The following RAD18 variants were observed in gnomAD, a reference collection of about 807,000 sequenced individuals.
RAD18 encodes the protein E3 ubiquitin-protein ligase RAD18.
Under a neutral mutation model 60.4 loss-of-function variants are expected in RAD18, and 47 were observed. The observed-to-expected ratio is 0.78, with a 90% CI of 0.62 to 0.99. The LOEUF is 0.99. Ranked by LOEUF, RAD18 falls within the 50% of genes least tolerant of loss-of-function variation. The pLI, the probability that RAD18 is intolerant of heterozygous loss-of-function variation, is 0.00. For synonymous variants in RAD18, 225 were observed against 195.5 expected, an observed-to-expected ratio of 1.15 and a Z score of -1.26; for missense variants, 640 against 593.3, an observed-to-expected ratio of 1.08 and a Z score of -0.82.
intron 3 of RAD18, 39 bp from the exon 4 acceptor site, chr3:8,947,329 CAAT>C: frequency 6.9e-7 from 1 of 1,457,394 alleles, no homozygotes; most frequent in Non-Finnish European, 9.6e-7. Flanking sequence ...AGGTCAAAAA[CAAT>C]AATCAACTTG....
intron 2 of RAD18, among the ~76,000 whole-genome samples, chr3:8,953,992 G>T (rs1295439476): frequency 6.6e-6 from 1 of 152,180 alleles, no homozygotes; most frequent in Non-Finnish European, 1.5e-5. Context: ...AATAATAAAC[G>T]TGTTTATCTT....
Position 8,890,397 on chromosome 3 carries a change from T to C in RAD18, c.1377A>G (p.Ala459=), listed in dbSNP as rs1575532387. The change falls in exon 12 of 13, where the codon GCA becomes GCG. Residue 459 remains alanine (A), a synonymous_variant. Transcript: ENST00000264926. ...TGATTATGAGAACTCACTTATGTGATGCTTCCCAGGCTTCCTCTTCTTCTA... is the reference window on the plus strand; with the variant it reads ...TGATTATGAGAACTCACTTATGTGACGCTTCCCAGGCTTCCTCTTCTTCTA... ...DLLEEEEAWE[A]SHKNDLQDTE... 5 of 1,588,100 alleles carry C rather than the reference T, an allele frequency of 3.1e-6. No individual in the cohort carries two copies. The highest frequency in any genetic ancestry group is 2.7e-5 in the African/African-American group (2 of 74,382).
chr3:8,921,603 G>A (rs1940321463), intron 7 of RAD18, among the ~76,000 whole-genome samples: 1 of 151,938 alleles, frequency 6.6e-6, no homozygotes, highest in African/African-American at 2.4e-5. Flanking sequence ...TTGCGCCACT[G>A]CACTCCAACC....
chr3:8,897,778 A>G (rs1405063061), intron 11 of RAD18, among the ~76,000 whole-genome samples: 1 of 152,170 alleles, frequency 6.6e-6, no homozygotes, highest in African/African-American at 2.4e-5. Flanking sequence ...AATAATAAAG[A>G]TAAGTGGCCA....
intron 5 of RAD18, 42 bp downstream of exon 5, chr3:8,941,425 G>A (rs1940744096): frequency 6.8e-7 from 1 of 1,461,216 alleles, no homozygotes; most frequent in Admixed American, 2.1e-5. Context: ...TCATGTGGAT[G>A]AAAAGATGTC....
intron 9 of RAD18, among the ~76,000 whole-genome samples, chr3:8,903,603 T>C (rs144363064): frequency 1.8e-4 from 27 of 152,308 alleles, no homozygotes; most frequent in African/African-American, 4.8e-4. Flanking sequence ...TCATCATTAT[T>C]AATGTACCAA....
intron 9 of RAD18, among the ~76,000 whole-genome samples, chr3:8,904,741 G>A (rs914524631): frequency 6.6e-6 from 1 of 152,152 alleles, no homozygotes; most frequent in Non-Finnish European, 1.5e-5. Context: ...TTAGGCGAGG[G>A]TGACACAGTA....
chr3:8,940,262 CAGA>C (rs944227377), intron 5 of RAD18, among the ~76,000 whole-genome samples: 2 of 151,940 alleles, frequency 1.3e-5, no homozygotes, highest in Non-Finnish European at 2.9e-5. Context: ...GGATAATAGG[CAGA>C]AGGAGGTCAG....
chr3:8,902,511 T>G lies in RAD18; in HGVS notation c.1037A>C (p.His346Pro). The change falls in exon 10 of 13, where the codon CAT becomes CCT. Residue 346 changes from histidine to proline, a missense_variant. By Grantham distance (77) the His-to-Pro change is moderately conservative. Transcript: ENST00000264926. ...CACCAGAAGCTGAAATTCACTCTTA[T>G]GTTTTTTACCTGAAATTCAAAAGAT... Reference protein sequence around the residue: ...DEIHSKYRKKHKSEFQLLVDQ... With the variant: ...DEIHSKYRKKPKSEFQLLVDQ... The G allele has an allele frequency of 6.2e-7, 1 of 1,601,326 alleles. No individual in the cohort carries two copies. The highest frequency in any genetic ancestry group is 8.5e-7 in the Non-Finnish European group (1 of 1,176,058).
intron 7 of RAD18, among the ~76,000 whole-genome samples, chr3:8,928,684 G>C (rs1165397972): frequency 6.6e-6 from 1 of 152,128 alleles, no homozygotes; most frequent in Non-Finnish European, 1.5e-5. Context: ...ATTTCAAAAA[G>C]CTTCTCAGTA....
chr3:8,928,036 G>A (rs1420653524), intron 7 of RAD18, among the ~76,000 whole-genome samples: 4 of 136,312 alleles, frequency 2.9e-5, no homozygotes, highest in Admixed American at 1.5e-4. Context: ...TTGTGCACAT[G>A]TACCCTAAAA....
chr3:8,948,049 T>C (rs1485613442), intron 3 of RAD18, among the ~76,000 whole-genome samples: 1 of 152,186 alleles, frequency 6.6e-6, no homozygotes, highest in Non-Finnish European at 1.5e-5. Flanking sequence ...CTTGAAAAGT[T>C]TCAGAAACAA....
At chr3:8,959,917 C>G (rs1941069569) in intron 1 of RAD18, among the ~76,000 whole-genome samples, 1 of 148,570 alleles carries the variant, frequency 6.7e-6, no homozygotes. Flanking sequence ...CTCCATCATA[C>G]TGATATGAAA....
At chr3:8,898,795 G>A (rs1939844796) in intron 11 of RAD18, 99 bp downstream of exon 11, 2 of 1,042,216 alleles carry the variant, frequency 1.9e-6, no homozygotes, top group Non-Finnish European at 2.7e-6. Flanking sequence ...GACACACCAT[G>A]CCATGCCTCA....
intron 12 of RAD18, 107 bp from the exon 13 acceptor site, chr3:8,881,566 T>A: frequency 1.2e-6 from 1 of 815,992 alleles, no homozygotes; most frequent in Non-Finnish European, 2.0e-6. Context: ...AACCTCGAAA[T>A]AATCCTCTAT....
chr3:8,933,175 G>T (rs1559787450), intron 7 of RAD18, among the ~76,000 whole-genome samples: 1 of 151,970 alleles, frequency 6.6e-6, no homozygotes, highest in Non-Finnish European at 1.5e-5. Context: ...AATCTCAAAA[G>T]TATTATGCTA....
intron 7 of RAD18, among the ~76,000 whole-genome samples, chr3:8,925,815 T>C (rs543743002): frequency 4.6e-5 from 7 of 152,170 alleles, no homozygotes; most frequent in African/African-American, 1.7e-4. Context: ...AAAAACCACA[T>C]GATTATCTCA....
chr3:8,955,647 C>T (rs1196150588), intron 2 of RAD18, among the ~76,000 whole-genome samples: 3 of 152,158 alleles, frequency 2.0e-5, no homozygotes, highest in African/African-American at 4.8e-5. Flanking sequence ...AAAAAAGAGG[C>T]TGATGGCTTA....
At chr3:8,937,619 T>C (rs989186827) in intron 6 of RAD18, among the ~76,000 whole-genome samples, 1 of 151,988 alleles carries the variant, frequency 6.6e-6, no homozygotes, top group African/African-American at 2.4e-5. Flanking sequence ...GTGGCCAAGA[T>C]ACAACTAAAG....
Sources: allele counts gnomAD v4.1 joint callset (sites outside exome capture counted in the v4.1 genomes callset), GRCh38; gene constraint gnomAD v4.1.1; transcripts MANE v1.5; gene names NCBI Gene and HGNC (gene_info 2026-07-23, HGNC 2026-07-21).